Variants in LAMC1 observed in about 807,000 individuals in gnomAD.
LAMC1 encodes the protein laminin subunit gamma-1.
LAMC1 carries 38 observed loss-of-function variants against 173.6 expected under a neutral mutation model. The ratio of observed to expected loss-of-function variants is 0.22; its 90% confidence interval spans 0.17 to 0.29. The LOEUF is 0.29. Ranked by LOEUF, LAMC1 falls within the 10% of genes least tolerant of loss-of-function variation. The pLI is 1.00. For synonymous variants in LAMC1, 746 were observed against 749.1 expected (o/e 1.00, Z 0.07); for missense variants, 1,824 against 2,051.8 (o/e 0.89, Z 2.14).
chr1:183,119,241 C>G (rs997828428), intron 11 of LAMC1, among the ~76,000 whole-genome samples: 1 of 152,030 alleles, frequency 6.6e-6, no homozygotes, highest in African/African-American at 2.4e-5. Context: ...GGACCTTTTT[C>G]TCTAGCAAGG....
intron 1 of LAMC1, among the ~76,000 whole-genome samples, 190 bp from the exon 2 acceptor site, chr1:183,103,138 T>C (rs992737524): frequency 1.3e-5 from 2 of 152,208 alleles, no homozygotes; most frequent in Non-Finnish European, 2.9e-5. Context: ...AGCCAACTTA[T>C]GGACCCAACT....
chr1:183,052,687 C>G (rs981779522), intron 1 of LAMC1, among the ~76,000 whole-genome samples: 12 of 152,102 alleles, frequency 7.9e-5, no homozygotes, highest in African/African-American at 2.9e-4. Flanking sequence ...CTGCTCATGT[C>G]CCTTCCTCTC....
intron 26 of LAMC1, among the ~76,000 whole-genome samples, 159 bp from the exon 27 acceptor site, chr1:183,140,245 C>CAAAAAAAAA (rs56152259): frequency 0.06 from 3,173 of 52,690 alleles, 452 homozygotes; most frequent in African/African-American, 0.087. Context: ...GCAGCCCCAC[C>CAAAAAAAAA]AAAAAAAAAA....
At position 183,034,808 on chromosome 1, in the gene LAMC1, A is replaced by G. The variant is rs999678788; in HGVS notation, c.418+10674A>G. ...ACGTGCCAGATGGATTCTGAGGAGA[A>G]CTTGAAAGCTGGGTGACAAAAGAAA... On this transcript the variant is annotated intron_variant, in intron 1 of 27. Transcript: ENST00000258341. Among the ~76,000 whole-genome samples, 5 of 152,202 alleles carry G rather than the reference A, an allele frequency of 3.3e-5. No individual in the cohort carries two copies. The South Asian group carries it at 8.3e-4, about 25-fold the overall frequency.
In LAMC1 at chr1:183,024,008, C is replaced by T. The variant is rs1431757707; in HGVS notation, c.292C>T (p.His98Tyr). The T allele has an allele frequency of 6.2e-7, 1 of 1,612,980 alleles. No individual in the cohort carries two copies. The highest frequency in any genetic ancestry group is 1.3e-5 in the African/African-American group (1 of 74,934). The change falls in exon 1 of 28, where the codon CAC (histidine) becomes TAC (tyrosine). Residue 98 changes from histidine to tyrosine, a missense_variant. By Grantham distance (83) the His-to-Tyr change is moderately conservative (BLOSUM62 2). Transcript: ENST00000258341. The stretch of plus-strand genomic sequence containing the variant: ...TCACCTGTGCGACGCCGGGCAGCCC[C>T]ACCTGCAGCACGGGGCAGCCTTCCT... ...SCHLCDAGQP[H>Y]LQHGAAFLTD...
rs1467091672 is a variant in LAMC1 at position 183,143,007 on chromosome 1, C to T, written c.*217C>T. On this transcript the variant is annotated 3_prime_UTR_variant, in exon 28 of 28. Coordinates refer to ENST00000258341, the MANE Select transcript of LAMC1 (RefSeq NM_002293.4). Reference sequence around the variant, plus strand: ...GTTTTATCTAATAAAGTGTCTCTTCCATTCACGTTGCTACCTTACCCACAC... The same window carrying T: ...GTTTTATCTAATAAAGTGTCTCTTCTATTCACGTTGCTACCTTACCCACAC... The T allele has an allele frequency of 7.8e-6, 4 of 511,644 alleles. No homozygotes were observed. Among genetic ancestry groups the T allele is most frequent in the Non-Finnish European group, 1.4e-5 (4 of 290,318 alleles). 31.7% of individuals were successfully genotyped at this position (511,644 alleles called of 1,614,324 possible).
intron 1 of LAMC1, among the ~76,000 whole-genome samples, chr1:183,067,255 TTA>T (rs1654897893): frequency 6.6e-6 from 1 of 152,134 alleles, no homozygotes; most frequent in South Asian, 2.1e-4. Flanking sequence ...TTTTCAGAAA[TTA>T]AAAAAAATCT....
At chr1:183,030,734 G>A (rs1333313069) in intron 1 of LAMC1, among the ~76,000 whole-genome samples, 1 of 152,156 alleles carries the variant, frequency 6.6e-6, no homozygotes. Context: ...CTTGAAGGCA[G>A]CCTAGATAAA....
rs200639670 is a variant in LAMC1 at position 183,038,760 on chromosome 1, A to C, written c.418+14626A>C. On this transcript the variant is annotated intron_variant, in intron 1 of 27. Coordinates refer to ENST00000258341, the MANE Select transcript of LAMC1 (RefSeq NM_002293.4). ...AATCCTCGACCATTTTATTATCAAAAACTGTAAGGAATAAATAATTTGACA... is the reference window on the plus strand; with the variant it reads ...AATCCTCGACCATTTTATTATCAAACACTGTAAGGAATAAATAATTTGACA... Among the ~76,000 whole-genome samples, 5 of 152,186 alleles carry C rather than the reference A, an allele frequency of 3.3e-5. No homozygotes were observed. The East Asian group carries it at 9.6e-4, about 29-fold the overall frequency.
chr1:183,046,895 A>G (rs1654280387), intron 1 of LAMC1, among the ~76,000 whole-genome samples: 1 of 152,158 alleles, frequency 6.6e-6, no homozygotes, highest in Admixed American at 6.5e-5. Flanking sequence ...GATATGTTTT[A>G]AAGTTTATCT....
chr1:183,105,687 T>C (rs1310479187), intron 2 of LAMC1, among the ~76,000 whole-genome samples: 2 of 152,202 alleles, frequency 1.3e-5, no homozygotes, highest in Admixed American at 6.5e-5. Context: ...TCAGTTTCAT[T>C]ATGCAGTAAC....
intron 1 of LAMC1, among the ~76,000 whole-genome samples, chr1:183,097,056 G>C (rs532544891): frequency 6.6e-6 from 1 of 152,154 alleles, no homozygotes; most frequent in Non-Finnish European, 1.5e-5. Context: ...GCCTTGGGTC[G>C]TCTTAATCAG....
chr1:183,082,440 C>T (rs951975328), intron 1 of LAMC1, among the ~76,000 whole-genome samples: 1 of 152,116 alleles, frequency 6.6e-6, no homozygotes, highest in East Asian at 1.9e-4. Context: ...TTGATGATTT[C>T]CTTGTGGAGA....
At chr1:183,077,776 G>GTATATATATATATATATATACTGTATATA (rs1655156021) in intron 1 of LAMC1, among the ~76,000 whole-genome samples, 1 of 116,482 alleles carries the variant, frequency 8.6e-6, no homozygotes. Context: ...TGGCCATTGT[G>GTATATATATATATATATATACTGTATATA]TATATATATA....
At chr1:183,032,892 T>C (rs1462655523) in intron 1 of LAMC1, among the ~76,000 whole-genome samples, 1 of 152,182 alleles carries the variant, frequency 6.6e-6, no homozygotes, top group Non-Finnish European at 1.5e-5. Flanking sequence ...TTTTCCCATC[T>C]TCTTTAGAGT....
rs537112550 is a variant in LAMC1, at chr1:183,051,292, C to T, written c.418+27158C>T. On this transcript the variant is annotated intron_variant, in intron 1 of 27. Transcript: ENST00000258341. ...TTCCACCTGCCTTTTGGATCCTGAACTGCCTTCTAGAAGTTCAACTATCCT... is the reference window on the plus strand; with the variant it reads ...TTCCACCTGCCTTTTGGATCCTGAATTGCCTTCTAGAAGTTCAACTATCCT... Among the ~76,000 whole-genome samples the T allele has an allele frequency of 6.4e-4, 98 of 152,322 alleles. 1 individual carries two copies. The Middle Eastern group carries it at 0.024, about 37-fold the overall frequency.
chr1:183,028,859 C>A (rs1653764458), intron 1 of LAMC1, among the ~76,000 whole-genome samples: 1 of 152,152 alleles, frequency 6.6e-6, no homozygotes, highest in South Asian at 2.1e-4. Context: ...TTTGTAAATT[C>A]TAAAGTTGTA....
In LAMC1 at chr1:183,049,706, C is replaced by T. The variant is rs982652918; in HGVS notation, c.418+25572C>T. ...CTGAAACTCCTGACCCCAAGTGATC[C>T]ACCTGCCTTGGCCTCTGAGAGTGCT... On this transcript the variant is annotated intron_variant, in intron 1 of 27. Coordinates refer to ENST00000258341, the MANE Select transcript of LAMC1 (RefSeq NM_002293.4). Among the ~76,000 whole-genome samples the T allele has an allele frequency of 8.5e-5, 13 of 152,048 alleles. No homozygotes were observed. In the East Asian group the frequency reaches 1.9e-3, roughly 23 times the overall value.
At chr1:183,040,573 A>G (rs546958620) in intron 1 of LAMC1, among the ~76,000 whole-genome samples, 2 of 152,300 alleles carry the variant, frequency 1.3e-5, no homozygotes, top group South Asian at 4.1e-4. Flanking sequence ...AAAAAAGGAT[A>G]TAATGTGGCA....
Sources: allele counts gnomAD v4.1 joint callset (sites outside exome capture counted in the v4.1 genomes callset), GRCh38; gene constraint gnomAD v4.1.1; transcripts MANE v1.5; gene names NCBI Gene and HGNC (gene_info 2026-07-23, HGNC 2026-07-21).